Variants in PSMD1 observed in about 807,000 individuals in gnomAD.
PSMD1 encodes the protein proteasome 26S subunit, non-ATPase 1, also known as 26S proteasome non-ATPase regulatory subunit 1.
Under a neutral mutation model 119.0 loss-of-function variants are expected in PSMD1, and 18 were observed. That is an observed-to-expected ratio of 0.15 (90% CI 0.10 to 0.22). PSMD1 has a LOEUF of 0.22. Ranked by LOEUF, PSMD1 falls within the 10% of genes least tolerant of loss-of-function variation. The pLI is 1.00. For synonymous variants in PSMD1, 374 were observed against 396.6 expected, an observed-to-expected ratio of 0.94 and a Z score of 0.68; for missense variants, 702 against 1,158.5, an observed-to-expected ratio of 0.61 and a Z score of 5.72.
At chr2:231,123,938 C>T in intron 16 of PSMD1, 4 of 643,920 alleles carry the variant, frequency 6.2e-6, no homozygotes, top group South Asian at 3.4e-5. Flanking sequence ...CGCATACACA[C>T]ATCTGTCCAT....
At chr2:231,122,881 CAT>C (rs1408129969) in intron 16 of PSMD1, among the ~76,000 whole-genome samples, 1 of 152,090 alleles carries the variant, frequency 6.6e-6, no homozygotes, top group African/African-American at 2.4e-5. Flanking sequence ...TAACATGACA[CAT>C]ATGTAGGAAT....
chr2:231,111,174 T>C (rs1422630185), intron 16 of PSMD1, among the ~76,000 whole-genome samples: 1 of 152,210 alleles, frequency 6.6e-6, no homozygotes, highest in Non-Finnish European at 1.5e-5. Context: ...CTTAATTTTA[T>C]ATTTCTTGAA....
At chr2:231,146,916 C>T (rs1406645653) in intron 18 of PSMD1, among the ~76,000 whole-genome samples, 1 of 152,230 alleles carries the variant, frequency 6.6e-6, no homozygotes, top group Non-Finnish European at 1.5e-5. Context: ...TGACCCACAT[C>T]TGCTCCACAG....
chr2:231,090,996 C>T (rs1450710767), intron 16 of PSMD1, among the ~76,000 whole-genome samples: 2 of 152,142 alleles, frequency 1.3e-5, no homozygotes, highest in African/African-American at 4.8e-5. Context: ...GAAGTAATCA[C>T]TTTTTGGGTC....
Position 231,163,764 on chromosome 2 carries a change from A to G in PSMD1, c.2481+37A>G, listed in dbSNP as rs750886722. On this transcript the variant is annotated intron_variant, in intron 21 of 24. Transcript: ENST00000308696. The stretch of plus-strand genomic sequence containing the variant: ...GTTCCTTTTAGCAGCATTTGTACTT[A>G]AATATAGGAGCCACTGAGTATTTTA... 4.2e-5 allele frequency: 61 copies of G among 1,442,462 alleles called. No homozygotes were observed. The Middle Eastern group carries it at 7.0e-4, about 17-fold the overall frequency. The allele number at this position is 1,442,462 out of a possible 1,614,324, so 89.4% of individuals were successfully genotyped here.
intron 16 of PSMD1, among the ~76,000 whole-genome samples, chr2:231,106,816 C>T (rs1207254478): frequency 6.6e-6 from 1 of 152,050 alleles, no homozygotes; most frequent in Non-Finnish European, 1.5e-5. Context: ...AATGTGATTG[C>T]CTGCCAACTC....
chr2:231,165,080 A>C, intron 21 of PSMD1, 120 bp from the exon 22 acceptor site: 1 of 84,432 alleles, frequency 1.2e-5, no homozygotes, highest in Non-Finnish European at 2.3e-5. Flanking sequence ...ATATATATAT[A>C]TATATATATA....
At chr2:231,152,227 A>G (rs551811665) in intron 18 of PSMD1, among the ~76,000 whole-genome samples, 1 of 152,204 alleles carries the variant, frequency 6.6e-6, no homozygotes, top group African/African-American at 2.4e-5. Context: ...TGTGCTGGGT[A>G]GTGGCAGAGT....
In PSMD1 at chr2:231,067,019, C is replaced by A; in HGVS notation, c.418C>A (p.Arg140=). The A allele has an allele frequency of 6.2e-7, 1 of 1,613,750 alleles. No homozygotes were observed. Among genetic ancestry groups the A allele is most frequent in the Non-Finnish European group, 8.5e-7 (1 of 1,179,892 alleles). Residue 140 remains arginine (R), a synonymous_variant, in exon 5 of 25, where the codon CGA becomes AGA. Transcript: ENST00000308696. ...AGGCATCGTAAATAAAATGTTCCAG[C>A]GATGTCTAGATGATCACAAGTATAA... ...LEGIVNKMFQ[R]CLDDHKYKQA... is the part of the protein sequence containing the mutation.
chr2:231,111,876 T>A (rs954656128), intron 16 of PSMD1, among the ~76,000 whole-genome samples: 61 of 152,338 alleles, frequency 4.0e-4, no homozygotes, highest in Non-Finnish European at 6.5e-4. Flanking sequence ...TTAGTGTAAT[T>A]TGTTTATATG....
At chr2:231,092,750 A>G (rs769911965) in intron 16 of PSMD1, among the ~76,000 whole-genome samples, 1 of 152,214 alleles carries the variant, frequency 6.6e-6, no homozygotes, top group Non-Finnish European at 1.5e-5. Context: ...CCTCCCAGCC[A>G]AAGTGGAATC....
intron 10 of PSMD1, 85 bp downstream of exon 10, chr2:231,078,832 T>A: frequency 1.0e-6 from 1 of 992,274 alleles, no homozygotes; most frequent in Non-Finnish European, 1.4e-6. Flanking sequence ...TCTTACTCTG[T>A]GGCCCAGGCC....
intron 23 of PSMD1, among the ~76,000 whole-genome samples, chr2:231,168,127 T>C (rs963561939): frequency 2.6e-5 from 4 of 152,040 alleles, no homozygotes; most frequent in African/African-American, 4.8e-5. Context: ...TAAGAAGATA[T>C]CACATTCTAC....
At chr2:231,159,404 TG>T (rs1338484043) in intron 19 of PSMD1, among the ~76,000 whole-genome samples, 2 of 152,166 alleles carry the variant, frequency 1.3e-5, no homozygotes, top group East Asian at 3.8e-4. Flanking sequence ...GGACCTACAC[TG>T]TAGTAAGATG....
intron 23 of PSMD1, among the ~76,000 whole-genome samples, chr2:231,168,281 T>A (rs1696834811): frequency 6.6e-6 from 1 of 152,166 alleles, no homozygotes; most frequent in Non-Finnish European, 1.5e-5. Flanking sequence ...TTAAATGTAG[T>A]CTTATCATAT....
rs574882492 is a variant in PSMD1 at position 231,135,134 on chromosome 2, G to A, written c.1884-3602G>A. ...TTAGATGATTTGGGTATCAAATTAC[G>A]GAAAGAGCTTTAAGTTCTTAGCCTT... is the stretch of plus-strand genomic sequence containing the variant. On this transcript the variant is annotated intron_variant, in intron 16 of 24. Transcript: ENST00000308696. 3.3e-5 allele frequency among the ~76,000 whole-genome samples: 5 copies of A among 152,262 alleles called. No individual in the cohort carries two copies. The South Asian group carries it at 6.2e-4, about 19-fold the overall frequency.
intron 6 of PSMD1, among the ~76,000 whole-genome samples, chr2:231,071,599 A>C (rs756931619): frequency 5.5e-4 from 84 of 152,182 alleles, no homozygotes; most frequent in Non-Finnish European, 1.0e-3. Flanking sequence ...TTCTTAATTT[A>C]TAATAACTTT....
At chr2:231,110,319 CA>C (rs908257461) in intron 16 of PSMD1, among the ~76,000 whole-genome samples, 4 of 150,964 alleles carry the variant, frequency 2.6e-5, no homozygotes, top group African/African-American at 4.9e-5. Context: ...GACTCTGTCT[CA>C]AAAAAAAAGT....
chr2:231,130,042 C>T (rs1695818110), intron 16 of PSMD1, among the ~76,000 whole-genome samples: 1 of 152,054 alleles, frequency 6.6e-6, no homozygotes, highest in Admixed American at 6.6e-5. Flanking sequence ...TTAGTAGAGA[C>T]GGGCTTCACT....
Sources: gnomAD v4.1 joint callset for allele counts (sites outside exome capture counted in the v4.1 genomes callset) on GRCh38, gnomAD v4.1.1 for gene constraint, MANE v1.5 for transcripts, NCBI Gene and HGNC (gene_info 2026-07-23, HGNC 2026-07-21) for gene names.